MYO7B: variants seen among roughly 807,000 people sequenced by gnomAD.
The protein encoded by MYO7B is unconventional myosin-VIIb.
Under a neutral mutation model 259.7 loss-of-function variants are expected in MYO7B, and 212 were observed. The observed-to-expected ratio is 0.82, with a 90% CI of 0.73 to 0.91. MYO7B has a LOEUF of 0.91. Ranked by LOEUF, MYO7B falls within the 40% of genes least tolerant of loss-of-function variation. MYO7B has a pLI of 0.00. For synonymous variants in MYO7B, 1,197 were observed against 1,166.4 expected (o/e 1.03, Z -0.54); for missense variants, 2,732 against 2,813.5 (o/e 0.97, Z 0.66).
At chr2:127,580,596 AAG>A (rs2104930345) in intron 9 of MYO7B, 148 bp from the exon 10 acceptor site, 2 of 723,824 alleles carry the variant, frequency 2.8e-6, no homozygotes, top group South Asian at 3.7e-5. Flanking sequence ...GGCTCCCTCA[AAG>A]AGAGGACACT....
chr2:127,625,846 T>G (rs1681080958), intron 31 of MYO7B, among the ~76,000 whole-genome samples: 1 of 152,216 alleles, frequency 6.6e-6, no homozygotes. Flanking sequence ...GCACCTGCAG[T>G]GGCTGACTGC....
At chr2:127,633,182 G>A in intron 39 of MYO7B, 76 bp from the exon 40 acceptor site, 1 of 1,140,688 alleles carries the variant, frequency 8.8e-7, no homozygotes, top group East Asian at 2.6e-5. Context: ...ACATGGTTTA[G>A]GGCCCACATC....
rs777666390 is a variant in MYO7B, at chr2:127,581,871, G to GC, written c.1081-15dup. 22 of 1,612,946 alleles carry GC rather than the reference G, an allele frequency of 1.4e-5. No homozygotes were observed. In the Admixed American group the frequency reaches 3.5e-4, roughly 26 times the overall value. On this transcript the variant is annotated intron_variant, in intron 10 of 47. Coordinates refer to ENST00000409816, the MANE Select transcript of MYO7B (RefSeq NM_001393586.1). ...GGCCCTGCTCCACAGGTGCGACGCA[G>GC]CCCCCACCTGCCTCCCCAGGTGCAG...
intron 2 of MYO7B, among the ~76,000 whole-genome samples, chr2:127,563,759 G>A (rs1478130740): frequency 6.6e-6 from 1 of 152,156 alleles, no homozygotes; most frequent in Non-Finnish European, 1.5e-5. Flanking sequence ...TATTGCTTGT[G>A]GGTGATTTCT....
In MYO7B at chr2:127,628,055, C is replaced by A. The variant is rs745615301; in HGVS notation, c.4461-317C>A. 1.8e-6 allele frequency: 1 copy of A among 552,578 alleles called. No individual in the cohort carries two copies. The highest frequency in any genetic ancestry group is 1.5e-5 in the South Asian group (1 of 65,440). The allele number at this position is 552,578 out of a possible 1,614,324, so 34.2% of individuals were successfully genotyped here. A position where few individuals can be genotyped will look rare whatever the true frequency, so the allele number is the denominator to read the frequency against. ...TAGGTGGCTCAGAGTAAGCACATGGCAGAGCCGGCAGCTCATCTCAGCTCT... is the reference window on the plus strand; with the variant it reads ...TAGGTGGCTCAGAGTAAGCACATGGAAGAGCCGGCAGCTCATCTCAGCTCT... On this transcript the variant is annotated intron_variant, in intron 33 of 47. Coordinates refer to ENST00000409816, the MANE Select transcript of MYO7B (RefSeq NM_001393586.1). This position sits in a 1 kb window ranked among gnomAD's most constrained non-coding sequence, Gnocchi z 4.8.
At chr2:127,545,554 C>T (rs1693196148) in intron 1 of MYO7B, among the ~76,000 whole-genome samples, 1 of 152,250 alleles carries the variant, frequency 6.6e-6, no homozygotes, top group African/African-American at 2.4e-5. Flanking sequence ...CACAGCCCGA[C>T]AGCATAGAAC....
chr2:127,636,462 G>C lies in MYO7B; in HGVS notation c.6124-83G>C. ...GGAGGGCGTGGGTGTATGTGTGTAT[G>C]TGCGTGTGGCCTAGATGAGCTCCTG... On this transcript the variant is annotated intron_variant, in intron 45 of 47. Transcript: ENST00000409816. The surrounding 1 kb of genome is among the most constrained non-coding windows in gnomAD (Gnocchi z 4.5). 1 of 1,453,020 alleles carries C rather than the reference G, an allele frequency of 6.9e-7. No individual in the cohort carries two copies. Among genetic ancestry groups the C allele is most frequent in the Non-Finnish European group, 9.5e-7 (1 of 1,050,776 alleles). 90.0% of individuals were successfully genotyped at this position (1,453,020 alleles called of 1,614,324 possible).
rs1022340473 is a variant in MYO7B, at chr2:127,580,614, A to G, written c.1004-132A>G. The G allele has an allele frequency of 1.1e-5, 9 of 808,978 alleles. No individual in the cohort carries two copies. In the African/African-American group the frequency reaches 1.4e-4, roughly 12 times the overall value. The allele number at this position is 808,978 out of a possible 1,614,324, so 50.1% of individuals were successfully genotyped here. A position where few individuals can be genotyped will look rare whatever the true frequency, so the allele number is the denominator to read the frequency against. ...TCCCTCAAAGAGAGGACACTGGGAG[A>G]GACCGTGGCTTACGCCAGGGCAGCT... On this transcript the variant is annotated intron_variant, in intron 9 of 47. Coordinates refer to ENST00000409816, the MANE Select transcript of MYO7B (RefSeq NM_001393586.1).
Position 127,584,227 on chromosome 2 carries a change from C to T in MYO7B, c.1449C>T (p.Ser483=), listed in dbSNP as rs146427264. 34 of 1,614,032 alleles carry T rather than the reference C, an allele frequency of 2.1e-5. 1 individual carries two copies. In the East Asian group the frequency reaches 7.6e-4, roughly 36 times the overall value. Residue 483 remains serine, a synonymous_variant, in exon 13 of 48, where the codon TCC becomes TCT. Transcript: ENST00000409816. The surrounding 1 kb of genome is among the most constrained non-coding windows in gnomAD (Gnocchi z 5.8). ...EQEEYRSENI[S]WDYIHYTDNR... ...AGGAGTACCGCTCGGAGAACATCTC[C>T]TGGGACTATATCCACTACACCGACA...
At chr2:127,564,404 A>G in intron 3 of MYO7B, 138 bp downstream of exon 3, 2 of 590,118 alleles carry the variant, frequency 3.4e-6, no homozygotes, top group Non-Finnish European at 6.0e-6. Context: ...AGGACAGATC[A>G]CGGTGGAGTC....
rs764189956 is a variant in MYO7B at position 127,582,464 on chromosome 2, C to T, written c.1343+18C>T. 2 of 1,610,840 alleles carry T rather than the reference C, an allele frequency of 1.2e-6. No homozygotes were observed. Among genetic ancestry groups the T allele is most frequent in the South Asian group, 2.2e-5 (2 of 90,414 alleles). On this transcript the variant is annotated intron_variant, in intron 12 of 47. Transcript: ENST00000409816. Reference sequence around the variant, plus strand: ...AACAATAGGTATGAAGATCTCAGATCCCAGCCCCACTGCTTCCAGAAAACA... The same window carrying T: ...AACAATAGGTATGAAGATCTCAGATTCCAGCCCCACTGCTTCCAGAAAACA...
chr2:127,636,583 C>A lies in MYO7B; in HGVS notation c.6162C>A (p.Ile2054=). The A allele has an allele frequency of 6.2e-7, 1 of 1,612,884 alleles. No homozygotes were observed. Among genetic ancestry groups the A allele is most frequent in the Non-Finnish European group, 8.5e-7 (1 of 1,179,436 alleles). The part of the protein sequence containing the change: ...SEPSYPDVIL[I]AINRHGVLLI... Reference sequence around the variant, plus strand: ...CTTCCTACCCGGACGTCATCCTCATCGCCATCAACCGACATGGGGTTCTGC... The same window carrying A: ...CTTCCTACCCGGACGTCATCCTCATAGCCATCAACCGACATGGGGTTCTGC... Residue 2054 remains isoleucine (I), a synonymous_variant, in exon 46 of 48, where the codon ATC becomes ATA. Coordinates refer to ENST00000409816, the MANE Select transcript of MYO7B (RefSeq NM_001393586.1). This position sits in a 1 kb window ranked among gnomAD's most constrained non-coding sequence, Gnocchi z 4.5.
chr2:127,594,833 G>T (rs1679702549), intron 18 of MYO7B, among the ~76,000 whole-genome samples: 1 of 152,182 alleles, frequency 6.6e-6, no homozygotes. Context: ...CAACTTGATC[G>T]TAGTGGATAA....
Position 127,628,673 on chromosome 2 carries a change from T to A in MYO7B, c.4624+138T>A. The A allele has an allele frequency of 1.1e-6, 1 of 943,650 alleles. No homozygotes were observed. Among genetic ancestry groups the A allele is most frequent in the Admixed American group, 2.5e-5 (1 of 39,566 alleles). The allele number at this position is 943,650 out of a possible 1,614,324, so 58.5% of individuals were successfully genotyped here. ...AGGGAGGGAAGGCCCCAAAGCTCTG[T>A]GGGGGCAGCTTTAGGCAAGGCCCTG... On this transcript the variant is annotated intron_variant, in intron 34 of 47. Transcript: ENST00000409816. The surrounding 1 kb of genome is among the most constrained non-coding windows in gnomAD (Gnocchi z 4.8).
At chr2:127,630,483 G>T (rs1347894354) in intron 35 of MYO7B, among the ~76,000 whole-genome samples, 2 of 152,144 alleles carry the variant, frequency 1.3e-5, no homozygotes, top group African/African-American at 4.8e-5. Context: ...TGGAGAAGGG[G>T]AGCTGGGGAG....
chr2:127,571,442 G>GTTT lies in MYO7B; in HGVS notation c.592+1547_592+1549dup. Reference sequence around the variant, plus strand: ...AATTGGTCTATTTCCTTACCAGTGAGTTTTTTTTTTTTTTTTTGCTTGTTT... The same window carrying GTTT: ...AATTGGTCTATTTCCTTACCAGTGAGTTTTTTTTTTTTTTTTTTTTGCTTGTTT... On this transcript the variant is annotated intron_variant, in intron 6 of 47. Coordinates refer to ENST00000409816, the MANE Select transcript of MYO7B (RefSeq NM_001393586.1). Among the ~76,000 whole-genome samples the GTTT allele has an allele frequency of 4.2e-3, 175 of 41,964 alleles. 6 individuals carry two copies. Among genetic ancestry groups the GTTT allele is most frequent in the South Asian group, 5.8e-3 (7 of 1,204 alleles). The allele number at this position is 41,964 out of a possible 152,430, so 27.5% of individuals were successfully genotyped here.
Position 127,593,526 on chromosome 2 carries a change from C to A in MYO7B, c.2146-20C>A, listed in dbSNP as rs747962753. 1.6e-5 allele frequency: 25 copies of A among 1,609,924 alleles called. No homozygotes were observed. Among genetic ancestry groups the A allele is most frequent in the Non-Finnish European group, 2.1e-5 (25 of 1,177,542 alleles). On this transcript the variant is annotated intron_variant, in intron 17 of 47. Coordinates refer to ENST00000409816, the MANE Select transcript of MYO7B (RefSeq NM_001393586.1). ...GTCTCTGCCCCACCTCCCACCGATA[C>A]CCCCGTTTGGTCTTGGCAGCTGCAA...
intron 26 of MYO7B, among the ~76,000 whole-genome samples, chr2:127,618,255 C>T (rs1443396072): frequency 6.6e-6 from 1 of 151,954 alleles, no homozygotes; most frequent in Non-Finnish European, 1.5e-5. Context: ...CGAGACGGAA[C>T]GAAGGGGGAT....
chr2:127,634,648 C>T lies in MYO7B; in HGVS notation c.5678C>T (p.Ser1893Phe). Reference sequence around the variant, plus strand: ...TTCTTTGATTCCTTGAGGGAGGTGTCTGACTGGGTGAAGAAGAACAAGCCC... The same window carrying T: ...TTCTTTGATTCCTTGAGGGAGGTGTTTGACTGGGTGAAGAAGAACAAGCCC... Reference protein sequence around the residue: ...DFFFDSLREVSDWVKKNKPQK... With the variant: ...DFFFDSLREVFDWVKKNKPQK... Residue 1893 changes from serine to phenylalanine, a missense_variant, in exon 42 of 48, where the codon TCT becomes TTT. Coordinates refer to ENST00000409816, the MANE Select transcript of MYO7B (RefSeq NM_001393586.1). 1 of 1,612,082 alleles carries T rather than the reference C, an allele frequency of 6.2e-7. No homozygotes were observed. Among genetic ancestry groups the T allele is most frequent in the African/African-American group, 1.3e-5 (1 of 74,124 alleles).
Sources: allele counts gnomAD v4.1 joint callset (sites outside exome capture counted in the v4.1 genomes callset), GRCh38; gene constraint gnomAD v4.1.1; non-coding constraint Gnocchi (gnomAD v3.1); transcripts MANE v1.5; gene names NCBI Gene and HGNC (gene_info 2026-07-23, HGNC 2026-07-21).